Variants in RDH12 observed in about 807,000 individuals in gnomAD.
The protein encoded by RDH12 is retinol dehydrogenase 12.
RDH12 carries 21 observed loss-of-function variants against 34.0 expected under a neutral mutation model. That is an observed-to-expected ratio of 0.62 (90% CI 0.44 to 0.89). The LOEUF (loss-of-function observed/expected upper bound fraction) is 0.89. RDH12 is among the 40% of genes least tolerant of loss of function. The pLI is 0.00. For missense variants in RDH12, 394 were observed against 398.6 expected (o/e 0.99, Z 0.10); for synonymous variants, 198 against 169.9 (o/e 1.17, Z -1.29).
rs912107188 is a variant in RDH12 at position 67,722,680 on chromosome 14, C to T, written c.38C>T (p.Ser13Leu). The T allele has an allele frequency of 3.7e-6, 6 of 1,613,814 alleles. No homozygotes were observed. Among genetic ancestry groups the T allele is most frequent in the African/African-American group, 1.3e-5 (1 of 74,924 alleles). Residue 13 changes from serine to leucine, a missense_variant, in exon 3 of 9, where the codon TCG (serine) becomes TTG (leucine). By Grantham distance (145) the Ser-to-Leu change is moderately radical. Coordinates refer to ENST00000551171, the MANE Select transcript of RDH12 (RefSeq NM_152443.3). ...VTLGLLTSFF[S>L]FLYMVAPSIR... ...TTGGGACTGCTCACCTCCTTCTTCT[C>T]GTTCCTGTATATGGTAGCTCCATCC...
At chr14:67,718,446 A>G (rs2038090471) in intron 1 of RDH12, among the ~76,000 whole-genome samples, 1 of 152,226 alleles carries the variant, frequency 6.6e-6, no homozygotes, top group Admixed American at 6.5e-5. Context: ...ATTTATGACC[A>G]AAGGTCAAAT....
chr14:67,726,872 G>T lies in RDH12; in HGVS notation c.449-109G>T, dbSNP rs1456220292. 5 of 900,844 alleles carry T rather than the reference G, an allele frequency of 5.6e-6. No individual in the cohort carries two copies. The Admixed American group carries it at 5.8e-5, about 11-fold the overall frequency. 55.8% of individuals were successfully genotyped at this position (900,844 alleles called of 1,614,324 possible). On this transcript the variant is annotated intron_variant, in intron 6 of 8. Coordinates refer to ENST00000551171, the MANE Select transcript of RDH12 (RefSeq NM_152443.3). ...TAGAGTTACTCATGGCATCAAAATTGGTTCACACCCAGAAGATAGTGAGCT... is the reference window on the plus strand; with the variant it reads ...TAGAGTTACTCATGGCATCAAAATTTGTTCACACCCAGAAGATAGTGAGCT...
chr14:67,726,055 A>G lies in RDH12; in HGVS notation c.348A>G (p.Glu116=). 1 of 1,612,508 alleles carries G rather than the reference A, an allele frequency of 6.2e-7. No individual in the cohort carries two copies. Among genetic ancestry groups the G allele is most frequent in the Non-Finnish European group, 8.5e-7 (1 of 1,178,546 alleles). ...RAFAEGFLAE[E]KQLHILINNA... ...CTCTTTGGTTGTGCCCTATAGAGGA[A>G]AAGCAGCTCCATATTCTGATCAACA... The change falls in exon 6 of 9, where the codon GAA becomes GAG. Residue 116 remains glutamate, a synonymous_variant. Transcript: ENST00000551171.
intron 1 of RDH12, among the ~76,000 whole-genome samples, chr14:67,718,097 G>A (rs1412387556): frequency 6.6e-6 from 1 of 152,160 alleles, no homozygotes; most frequent in Non-Finnish European, 1.5e-5. Context: ...ACAAAAAAAT[G>A]TGCTTCCATT....
chr14:67,731,604 TTAAA>T (rs1313576458), intron 8 of RDH12, among the ~76,000 whole-genome samples: 3 of 152,004 alleles, frequency 2.0e-5, no homozygotes, highest in Non-Finnish European at 4.4e-5. Context: ...TATACAGTCA[TTAAA>T]TATCATATTT....
At chr14:67,716,030 C>T (rs2038065960) in intron 1 of RDH12, among the ~76,000 whole-genome samples, 1 of 151,952 alleles carries the variant, frequency 6.6e-6, no homozygotes, top group Non-Finnish European at 1.5e-5. Flanking sequence ...CCCGTCTCTA[C>T]TAAAAATACA....
rs147776174 is a variant in RDH12 at position 67,716,880 on chromosome 14, T to C, written c.-274-3968T>C. Among the ~76,000 whole-genome samples the C allele has an allele frequency of 5.2e-3, 662 of 128,366 alleles. 31 individuals are homozygous for C. The East Asian group carries it at 0.11, about 22-fold the overall frequency. 84.2% of individuals were successfully genotyped at this position (128,366 alleles called of 152,430 possible). A position where few individuals can be genotyped will look rare whatever the true frequency, so the allele number is the denominator to read the frequency against. ...GCCTGAGTGACAGAGTGAGTCTCTGTCAAAAAAAAAAAAAAAAGAATTTTA... is the reference window on the plus strand; with the variant it reads ...GCCTGAGTGACAGAGTGAGTCTCTGCCAAAAAAAAAAAAAAAAGAATTTTA... On this transcript the variant is annotated intron_variant, in intron 1 of 8. Coordinates refer to ENST00000551171, the MANE Select transcript of RDH12 (RefSeq NM_152443.3).
chr14:67,712,253 C>G (rs541408462), intron 1 of RDH12, among the ~76,000 whole-genome samples: 2 of 152,134 alleles, frequency 1.3e-5, no homozygotes, highest in East Asian at 3.9e-4. Context: ...GATCTCTGAG[C>G]TCTGGGAGGA....
chr14:67,729,358 C>A lies in RDH12; in HGVS notation c.826C>A (p.Pro276Thr), dbSNP rs1355914469. The A allele has an allele frequency of 6.3e-7, 1 of 1,597,954 alleles. No homozygotes were observed. The highest frequency in any genetic ancestry group is 2.2e-5 in the East Asian group (1 of 44,882). The change falls in exon 8 of 9, where the codon CCC becomes ACC. Residue 276 changes from proline to threonine, a missense_variant. Physicochemically the swap from Pro to Thr is conservative, Grantham distance 38. Coordinates refer to ENST00000551171, the MANE Select transcript of RDH12 (RefSeq NM_152443.3). ...LHCALAEGLE[P>T]LSGKYFSDCK... ...CTGCGCCCTGGCTGAGGGCCTGGAG[C>A]CCCTGAGTGGCAAGTACTTCAGGTG...
At chr14:67,708,173 TGCTAAAAGCTGTAAATA>T (rs2037969989) in intron 1 of RDH12, among the ~76,000 whole-genome samples, 1 of 152,200 alleles carries the variant, frequency 6.6e-6, no homozygotes, top group African/African-American at 2.4e-5. Context: ...TTTAGTCAAT[TGCTAAAAGCTGTAAATA>T]GCTTAAAAGA....
At position 67,726,137 on chromosome 14, in the gene RDH12, C is replaced by A. The variant is rs377085347; in HGVS notation, c.430C>A (p.Leu144Met). 1 of 1,610,532 alleles carries A rather than the reference C, an allele frequency of 6.2e-7. No homozygotes were observed. Among genetic ancestry groups the A allele is most frequent in the African/African-American group, 1.3e-5 (1 of 74,960 alleles). ...SKTADGFETH[L>M]GVNHLGHFLL... Reference sequence around the variant, plus strand: ...GACAGCTGATGGCTTTGAAACCCACCTGGGAGTCAACCACCTGGGTAAGTA... The same window carrying A: ...GACAGCTGATGGCTTTGAAACCCACATGGGAGTCAACCACCTGGGTAAGTA... Residue 144 changes from leucine (L) to methionine (M), a missense_variant, in exon 6 of 9, where the codon CTG becomes ATG. Transcript: ENST00000551171.
intron 1 of RDH12, among the ~76,000 whole-genome samples, chr14:67,711,286 T>C (rs1372554006): frequency 6.6e-6 from 1 of 152,236 alleles, no homozygotes; most frequent in East Asian, 1.9e-4. Context: ...TTCTAATCCC[T>C]ATGCCAAATT....
At chr14:67,706,437 A>G (rs1316382287) in intron 1 of RDH12, among the ~76,000 whole-genome samples, 1 of 152,200 alleles carries the variant, frequency 6.6e-6, no homozygotes, top group Non-Finnish European at 1.5e-5. Flanking sequence ...TGGTCAGAAC[A>G]CAGTTTGGTT....
At chr14:67,706,856 G>C (rs1310281544) in intron 1 of RDH12, among the ~76,000 whole-genome samples, 1 of 152,110 alleles carries the variant, frequency 6.6e-6, no homozygotes, top group African/African-American at 2.4e-5. Context: ...GGTTAGGATG[G>C]TTCGTTCCTA....
intron 1 of RDH12, among the ~76,000 whole-genome samples, chr14:67,704,571 TA>T (rs2037932347): frequency 6.6e-6 from 1 of 152,192 alleles, no homozygotes; most frequent in Non-Finnish European, 1.5e-5. Flanking sequence ...TGGTAAGTAT[TA>T]TACCTAAAAC....
intron 7 of RDH12, 83 bp from the exon 8 acceptor site, chr14:67,729,108 C>A: frequency 7.2e-7 from 1 of 1,386,888 alleles, no homozygotes. Context: ...CTCCTTCTCA[C>A]TTGTGTATTT....
rs768529208 is a variant in RDH12, at chr14:67,722,612, A to G, written c.-31A>G. On this transcript the variant is annotated 5_prime_UTR_variant, in exon 3 of 9. Transcript: ENST00000551171. ...CTGGGGTTGAAGCTGGAGCAGCAGC[A>G]AAAGCAACAGCAGCTACAGAAGTTG... 1 of 1,602,682 alleles carries G rather than the reference A, an allele frequency of 6.2e-7. No individual in the cohort carries two copies. Among genetic ancestry groups the G allele is most frequent in the Admixed American group, 1.7e-5 (1 of 60,018 alleles).
intron 6 of RDH12, 64 bp from the exon 7 acceptor site, chr14:67,726,917 C>A (rs2140145012): frequency 6.8e-7 from 1 of 1,464,124 alleles, no homozygotes; most frequent in Non-Finnish European, 9.5e-7. Flanking sequence ...GTCCTCTTGG[C>A]TCCCACATGC....
chr14:67,731,738 C>T (rs577504205), intron 8 of RDH12, among the ~76,000 whole-genome samples: 1 of 152,222 alleles, frequency 6.6e-6, no homozygotes, highest in Admixed American at 6.5e-5. Flanking sequence ...TAACCAGCCA[C>T]TGGGCAGTAG....
Sources: gnomAD v4.1 joint callset for allele counts (sites outside exome capture counted in the v4.1 genomes callset) on GRCh38, gnomAD v4.1.1 for gene constraint, MANE v1.5 for transcripts, NCBI Gene and HGNC (gene_info 2026-07-23, HGNC 2026-07-21) for gene names.